Variants in KIAA1328 observed in about 807,000 individuals in gnomAD.
The protein encoded by KIAA1328 is KIAA1328.
A neutral mutation model predicts 68.1 loss-of-function variants in KIAA1328; 52 were observed. That is an observed-to-expected ratio of 0.76 (90% confidence interval 0.61 to 0.96). The LOEUF (loss-of-function observed/expected upper bound fraction) is 0.96. Among genes scored for constraint, KIAA1328 ranks in the 40% least tolerant of loss-of-function variants. KIAA1328 has a pLI of 0.00. For missense variants in KIAA1328, 641 were observed against 677.6 expected (o/e 0.95, Z 0.60); for synonymous variants, 232 against 239.4 (o/e 0.97, Z 0.28).
At chr18:36,858,876 T>G (rs558505153) in intron 4 of KIAA1328, among the ~76,000 whole-genome samples, 1 of 152,336 alleles carries the variant, frequency 6.6e-6, no homozygotes, top group East Asian at 1.9e-4. Context: ...CTCTTAATAC[T>G]TTTATGGTTG....
chr18:37,132,088 C>CAA (rs751202491), intron 7 of KIAA1328, among the ~76,000 whole-genome samples: 1 of 144,134 alleles, frequency 6.9e-6, no homozygotes. Flanking sequence ...GACCCAATGG[C>CAA]AAAAAAAAAA....
chr18:36,943,448 C>T (rs2050782800), intron 5 of KIAA1328, among the ~76,000 whole-genome samples: 1 of 152,084 alleles, frequency 6.6e-6, no homozygotes, highest in Admixed American at 6.6e-5. Context: ...AACTAGGGGC[C>T]AGATAAAGAT....
intron 5 of KIAA1328, among the ~76,000 whole-genome samples, chr18:36,953,516 A>G (rs2051262871): frequency 6.6e-6 from 1 of 151,286 alleles, no homozygotes; most frequent in Non-Finnish European, 1.5e-5. Context: ...ATTTACTTAC[A>G]GATATAAAAT....
chr18:37,135,383 T>G (rs1231007450), intron 7 of KIAA1328, among the ~76,000 whole-genome samples: 3 of 152,212 alleles, frequency 2.0e-5, no homozygotes, highest in Non-Finnish European at 4.4e-5. Context: ...ACTTTTAAAA[T>G]AGTAGCCATT....
At chr18:37,221,712 A>C (rs920479646) in intron 9 of KIAA1328, among the ~76,000 whole-genome samples, 2 of 152,208 alleles carry the variant, frequency 1.3e-5, no homozygotes, top group Non-Finnish European at 2.9e-5. Context: ...AGCCTGCAGT[A>C]AATGTCACTG....
intron 9 of KIAA1328, among the ~76,000 whole-genome samples, chr18:37,199,812 A>G (rs753806849): frequency 1.3e-5 from 2 of 152,106 alleles, no homozygotes; most frequent in Non-Finnish European, 2.9e-5. Context: ...ATGGCATCTC[A>G]TTGTGGTTTT....
At chr18:36,899,408 G>C (rs1285740344) in intron 5 of KIAA1328, among the ~76,000 whole-genome samples, 1 of 151,790 alleles carries the variant, frequency 6.6e-6, no homozygotes, top group African/African-American at 2.4e-5. Context: ...AGAGTTGCTT[G>C]ATCAGAAAAG....
intron 6 of KIAA1328, among the ~76,000 whole-genome samples, chr18:36,988,223 A>G (rs548401566): frequency 5.3e-5 from 8 of 152,256 alleles, no homozygotes; most frequent in African/African-American, 1.7e-4. Flanking sequence ...TTATATGAAT[A>G]TTTTCTCCAG....
intron 7 of KIAA1328, among the ~76,000 whole-genome samples, chr18:37,118,397 T>C (rs2058180532): frequency 6.6e-6 from 1 of 152,158 alleles, no homozygotes; most frequent in Non-Finnish European, 1.5e-5. Flanking sequence ...CAAACCTTTA[T>C]TCCTGAAGGG....
At position 36,932,034 on chromosome 18, in the gene KIAA1328, C is replaced by CA. The variant is rs752169725; in HGVS notation, c.449-27274_449-27273insA. Among the ~76,000 whole-genome samples the CA allele has an allele frequency of 7.9e-5, 12 of 151,186 alleles. No individual in the cohort carries two copies. The East Asian group carries it at 1.9e-3, about 24-fold the overall frequency. On this transcript the variant is annotated intron_variant, in intron 5 of 9. Coordinates refer to ENST00000280020, the MANE Select transcript of KIAA1328 (RefSeq NM_020776.3). ...CATTTAATGGCCTTTTCCATACTTT[C>CA]TATCAGTTTATTTTACATCTTCAAG...
chr18:37,199,340 A>G (rs1042813727), intron 9 of KIAA1328, among the ~76,000 whole-genome samples: 3 of 152,242 alleles, frequency 2.0e-5, no homozygotes, highest in Non-Finnish European at 4.4e-5. Flanking sequence ...AAGTGAGAAC[A>G]TGAAGAATTT....
At chr18:37,215,319 A>C (rs558218747) in intron 9 of KIAA1328, among the ~76,000 whole-genome samples, 2 of 149,288 alleles carry the variant, frequency 1.3e-5, no homozygotes, top group South Asian at 4.4e-4. Flanking sequence ...TTCAGGATAC[A>C]TTCCATCAGT....
At chr18:37,058,721 A>T (rs1238019304) in intron 6 of KIAA1328, among the ~76,000 whole-genome samples, 2 of 152,086 alleles carry the variant, frequency 1.3e-5, no homozygotes, top group Admixed American at 6.5e-5. Context: ...CTAAAAAAAA[A>T]TTTTAATAAA....
Position 37,047,232 on chromosome 18 carries a change from G to C in KIAA1328, c.577-19658G>C, listed in dbSNP as rs543242014. On this transcript the variant is annotated intron_variant, in intron 6 of 9. Transcript: ENST00000280020. ...TATTTCAGTTTAGGCTGTTAGTTTTGTGGTCTATTGTAGGCCTTCCTTTTT... is the reference window on the plus strand; with the variant it reads ...TATTTCAGTTTAGGCTGTTAGTTTTCTGGTCTATTGTAGGCCTTCCTTTTT... 7.9e-5 allele frequency among the ~76,000 whole-genome samples: 12 copies of C among 152,250 alleles called. 1 individual carries two copies. In the South Asian group the frequency reaches 2.5e-3, roughly 32 times the overall value.
intron 5 of KIAA1328, among the ~76,000 whole-genome samples, chr18:36,897,206 C>T (rs938499657): frequency 2.0e-5 from 3 of 151,932 alleles, no homozygotes; most frequent in Non-Finnish European, 2.9e-5. Context: ...GAATCCCAGG[C>T]TATTGAGCAT....
rs71381582 is a variant in KIAA1328, at chr18:37,223,052, A to AC, written c.*832dup. 1.1e-3 allele frequency: 108 copies of AC among 101,522 alleles called. No homozygotes were observed. Among genetic ancestry groups the AC allele is most frequent in the Non-Finnish European group, 1.2e-3 (99 of 80,400 alleles). 6.3% of individuals were successfully genotyped at this position (101,522 alleles called of 1,614,324 possible). Reference sequence around the variant, plus strand: ...CCCAAGTGTTCAGCTTATTCACCCCACCCCCCCACCCCCCATCACACGTGC... The same window carrying AC: ...CCCAAGTGTTCAGCTTATTCACCCCACCCCCCCCACCCCCCATCACACGTGC... On this transcript the variant is annotated 3_prime_UTR_variant, in exon 10 of 10. Coordinates refer to ENST00000280020, the MANE Select transcript of KIAA1328 (RefSeq NM_020776.3).
intron 4 of KIAA1328, among the ~76,000 whole-genome samples, chr18:36,853,845 A>T (rs1239017524): frequency 2.0e-5 from 3 of 151,936 alleles, no homozygotes; most frequent in African/African-American, 7.3e-5. Context: ...TTTAATAGAG[A>T]CGAGGTTTCA....
chr18:37,047,097 T>G (rs1222849419), intron 6 of KIAA1328, among the ~76,000 whole-genome samples: 2 of 152,122 alleles, frequency 1.3e-5, no homozygotes, highest in Non-Finnish European at 2.9e-5. Flanking sequence ...ACAGAATGTG[T>G]GGTTCCTTTT....
chr18:36,861,418 G>A (rs1358106147), intron 4 of KIAA1328, among the ~76,000 whole-genome samples: 2 of 152,070 alleles, frequency 1.3e-5, no homozygotes, highest in East Asian at 1.9e-4. Context: ...TCCTGGGGGA[G>A]ATCCATTGAG....
Sources: gnomAD v4.1 joint callset for allele counts (sites outside exome capture counted in the v4.1 genomes callset) on GRCh38, gnomAD v4.1.1 for gene constraint, MANE v1.5 for transcripts, NCBI Gene and HGNC (gene_info 2026-07-23, HGNC 2026-07-21) for gene names.